CMIP: variants seen among roughly 807,000 people sequenced by gnomAD.
The protein encoded by CMIP is C-Maf-inducing protein.
A neutral mutation model predicts 97.3 loss-of-function variants in CMIP; 13 were observed. The ratio of observed to expected loss-of-function variants is 0.13; its 90% CI spans 0.09 to 0.21. The LOEUF is 0.21. Among genes scored for constraint, CMIP ranks in the 10% least tolerant of loss-of-function variants. The pLI, the probability that CMIP is intolerant of heterozygous loss-of-function variation, is 1.00. For synonymous variants in CMIP, 538 were observed against 436.3 expected, an observed-to-expected ratio of 1.23 and a Z score of -2.91; for missense variants, 847 against 1,024.9, an observed-to-expected ratio of 0.83 and a Z score of 2.37.
At chr16:81,472,580 A>C (rs983501806) in intron 1 of CMIP, among the ~76,000 whole-genome samples, 3 of 152,230 alleles carry the variant, frequency 2.0e-5, no homozygotes, top group African/African-American at 7.2e-5. Flanking sequence ...CCCTGCTCTC[A>C]GGAACCTGAG....
At chr16:81,690,755 T>A (rs528774135) in intron 10 of CMIP, among the ~76,000 whole-genome samples, 1 of 151,950 alleles carries the variant, frequency 6.6e-6, no homozygotes, top group Admixed American at 6.5e-5. Flanking sequence ...CAAAACCCCA[T>A]CCCTACTAGA....
chr16:81,587,909 C>A (rs74031208), intron 1 of CMIP, among the ~76,000 whole-genome samples: 1 of 152,196 alleles, frequency 6.6e-6, no homozygotes, highest in African/African-American at 2.4e-5. Context: ...GTCAAGCTCC[C>A]TTGTCACATA....
chr16:81,494,625 G>A (rs1022774382), intron 1 of CMIP, among the ~76,000 whole-genome samples: 6 of 152,108 alleles, frequency 3.9e-5, no homozygotes, highest in African/African-American at 7.2e-5. Flanking sequence ...GGGGACCCCC[G>A]GGGCCGCCCC....
At chr16:81,551,896 C>G (rs901084800) in intron 1 of CMIP, among the ~76,000 whole-genome samples, 1 of 152,216 alleles carries the variant, frequency 6.6e-6, no homozygotes, top group South Asian at 2.1e-4. Context: ...GTGACAAAGA[C>G]TCCCCGGTCC....
At chr16:81,668,153 C>A (rs2092631075) in intron 7 of CMIP, among the ~76,000 whole-genome samples, 1 of 152,096 alleles carries the variant, frequency 6.6e-6, no homozygotes. Context: ...GGCTGCTCTC[C>A]TTAAAAAATG....
intron 3 of CMIP, among the ~76,000 whole-genome samples, chr16:81,646,919 A>T (rs1420594272): frequency 6.6e-6 from 1 of 152,216 alleles, no homozygotes; most frequent in African/African-American, 2.4e-5. Flanking sequence ...TGCTATGGAC[A>T]TTCTTGGGCA....
At chr16:81,587,399 T>C (rs796347871) in intron 1 of CMIP, among the ~76,000 whole-genome samples, 33 of 152,334 alleles carry the variant, frequency 2.2e-4, no homozygotes, top group African/African-American at 7.9e-4. Flanking sequence ...GGTCAGTCTG[T>C]GTCTGTGCCA....
intron 1 of CMIP, among the ~76,000 whole-genome samples, chr16:81,467,631 A>C (rs1013112722): frequency 6.9e-6 from 1 of 145,270 alleles, no homozygotes; most frequent in African/African-American, 2.6e-5. Flanking sequence ...CCCAGGCTGG[A>C]GTGCAGTGGC....
chr16:81,571,752 C>G (rs2150889923), intron 1 of CMIP, among the ~76,000 whole-genome samples: 1 of 152,308 alleles, frequency 6.6e-6, no homozygotes, highest in South Asian at 2.1e-4. Context: ...GCGTGTGTCC[C>G]ATTCAGCACC....
At chr16:81,545,478 C>T (rs938074994) in intron 1 of CMIP, among the ~76,000 whole-genome samples, 7 of 152,274 alleles carry the variant, frequency 4.6e-5, no homozygotes, top group Admixed American at 2.6e-4. Context: ...GTTTACTGAG[C>T]GTCTCCTGTG....
intron 1 of CMIP, among the ~76,000 whole-genome samples, chr16:81,549,283 G>A (rs1424894280): frequency 6.6e-6 from 1 of 152,206 alleles, no homozygotes; most frequent in Non-Finnish European, 1.5e-5. Context: ...TGATTAACCT[G>A]GTTGAGCTGG....
chr16:81,527,064 C>A (rs746978607), intron 1 of CMIP, among the ~76,000 whole-genome samples: 1 of 152,178 alleles, frequency 6.6e-6, no homozygotes, highest in Non-Finnish European at 1.5e-5. Flanking sequence ...TCAGACAACA[C>A]GCGCGGGCCA....
At chr16:81,548,710 G>A (rs1479173547) in intron 1 of CMIP, among the ~76,000 whole-genome samples, 3 of 152,056 alleles carry the variant, frequency 2.0e-5, no homozygotes, top group African/African-American at 7.2e-5. Context: ...GCCAGGCATG[G>A]TGGTGTGTGC....
At chr16:81,535,816 A>G (rs1465078754) in intron 1 of CMIP, among the ~76,000 whole-genome samples, 1 of 152,116 alleles carries the variant, frequency 6.6e-6, no homozygotes, top group Non-Finnish European at 1.5e-5. Context: ...CTGGCTGACA[A>G]GCTGTTACAG....
chr16:81,449,595 C>T (rs1906078632), intron 1 of CMIP, among the ~76,000 whole-genome samples: 2 of 152,112 alleles, frequency 1.3e-5, no homozygotes, highest in East Asian at 1.9e-4. Context: ...TTGTTACATA[C>T]CCCCCTTCCC....
intron 3 of CMIP, among the ~76,000 whole-genome samples, chr16:81,635,827 G>A (rs962815834): frequency 6.6e-6 from 1 of 152,102 alleles, no homozygotes; most frequent in African/African-American, 2.4e-5. Context: ...GTGGCATTAA[G>A]CTGGTGACAA....
chr16:81,682,130 G>T (rs901551104), intron 10 of CMIP, among the ~76,000 whole-genome samples: 13 of 152,168 alleles, frequency 8.5e-5, no homozygotes, highest in Non-Finnish European at 5.9e-5. Context: ...TTGAACCCCG[G>T]GGGGCGGAGG....
chr16:81,689,018 T>TG (rs1214313444), intron 10 of CMIP, among the ~76,000 whole-genome samples: 1 of 152,262 alleles, frequency 6.6e-6, no homozygotes, highest in African/African-American at 2.4e-5. Flanking sequence ...TAGTATTCCA[T>TG]GGTGTATATG....
intron 1 of CMIP, chr16:81,476,543 C>G: frequency 1.6e-6 from 1 of 620,320 alleles, no homozygotes; most frequent in East Asian, 3.4e-5. Flanking sequence ...GGTTTCCCGA[C>G]GGCGCCGGTG....
Sources: allele counts gnomAD v4.1 joint callset (sites outside exome capture counted in the v4.1 genomes callset), GRCh38; gene constraint gnomAD v4.1.1; transcripts MANE v1.5; gene names NCBI Gene and HGNC (gene_info 2026-07-23, HGNC 2026-07-21).